ANO1: variants seen among roughly 807,000 people sequenced by gnomAD.
ANO1 encodes the protein anoctamin-1.
Under a neutral mutation model 124.0 loss-of-function variants are expected in ANO1, and 59 were observed. That is an observed-to-expected ratio of 0.48 (90% CI 0.39 to 0.59). The LOEUF (loss-of-function observed/expected upper bound fraction) is 0.59. Ranked by LOEUF, ANO1 falls within the 20% of genes least tolerant of loss-of-function variation. The pLI is 0.00. For missense variants in ANO1, 1,059 were observed against 1,328.0 expected (o/e 0.80, Z 3.15); for synonymous variants, 529 against 532.0 (o/e 0.99, Z 0.08).
intron 1 of ANO1, among the ~76,000 whole-genome samples, chr11:70,052,519 T>C (rs1465905224): frequency 1.6e-5 from 2 of 125,810 alleles, no homozygotes; most frequent in African/African-American, 2.9e-5. Flanking sequence ...GGGGAGAATT[T>C]CTTTTTCTTT....
Position 70,126,116 on chromosome 11 carries a change from C to T in ANO1, c.1018C>T (p.Gln340Ter). Residue 340 changes from glutamine to a stop codon, truncating the protein, a stop_gained, in exon 10 of 26, where the codon CAG becomes TAG. Coordinates refer to ENST00000355303, the MANE Select transcript of ANO1 (RefSeq NM_018043.7). LOFTEE classifies it high-confidence loss of function. ...LYFAWLGVYT[Q>*]MLIPASIVGI... The stretch of plus-strand genomic sequence containing the variant: ...CTTCGCCTGGCTGGGCGTGTACACC[C>T]AGATGCTCATCCCTGCCTCCATCGT... 1 of 1,613,704 alleles carries T rather than the reference C, an allele frequency of 6.2e-7. No individual in the cohort carries two copies. The highest frequency in any genetic ancestry group is 2.2e-5 in the East Asian group (1 of 44,878).
chr11:70,042,874 T>C (rs181184287), intron 1 of ANO1, among the ~76,000 whole-genome samples: 1 of 152,310 alleles, frequency 6.6e-6, no homozygotes, highest in Non-Finnish European at 1.5e-5. Flanking sequence ...CTTAACTGCA[T>C]GCTCATACAG....
chr11:70,115,689 G>A (rs1216277991), intron 7 of ANO1, among the ~76,000 whole-genome samples: 1 of 152,134 alleles, frequency 6.6e-6, no homozygotes, highest in Non-Finnish European at 1.5e-5. Flanking sequence ...CCTGAACCTC[G>A]ACAGGGCCGC....
chr11:70,179,365 C>A (rs2135821684), intron 22 of ANO1, among the ~76,000 whole-genome samples: 1 of 152,356 alleles, frequency 6.6e-6, no homozygotes, highest in East Asian at 1.9e-4. Flanking sequence ...CCATTGAGGG[C>A]CTCCTTCCTG....
intron 1 of ANO1, among the ~76,000 whole-genome samples, chr11:70,039,115 A>G (rs11237529): frequency 0.096 from 14,535 of 152,196 alleles, 1,086 homozygotes; most frequent in East Asian, 0.39. Context: ...TCTGCTGGGA[A>G]AGGTTTTCAT....
chr11:70,154,083 T>G (rs781551802), intron 14 of ANO1, among the ~76,000 whole-genome samples: 33 of 151,894 alleles, frequency 2.2e-4, no homozygotes, highest in Non-Finnish European at 3.4e-4. Context: ...TTTAATGGTG[T>G]TTTTCACATG....
At chr11:70,157,454 G>A (rs1003983286) in intron 16 of ANO1, among the ~76,000 whole-genome samples, 1 of 151,726 alleles carries the variant, frequency 6.6e-6, no homozygotes, top group African/African-American at 2.4e-5. Flanking sequence ...CCCAGGGTGC[G>A]CCGGCCCCAT....
At chr11:70,112,322 G>A (rs181707181) in intron 7 of ANO1, among the ~76,000 whole-genome samples, 2 of 152,362 alleles carry the variant, frequency 1.3e-5, no homozygotes, top group East Asian at 1.9e-4. Context: ...CCTGAGCAGT[G>A]TGGGAATCCC....
At chr11:70,156,075 A>C in intron 15 of ANO1, 87 bp downstream of exon 15, 1 of 1,121,142 alleles carries the variant, frequency 8.9e-7, no homozygotes, top group Non-Finnish European at 1.2e-6. Flanking sequence ...AAACTGTTGT[A>C]TATATTTTTT....
chr11:69,986,320 C>T (rs1554996869), intron 1 of ANO1, among the ~76,000 whole-genome samples: 3 of 152,128 alleles, frequency 2.0e-5, no homozygotes, highest in African/African-American at 7.2e-5. Context: ...ACAGTCCTCC[C>T]CCCTCCGCGC....
At chr11:69,975,640 A>T in the ANO1 span, among the ~76,000 whole-genome samples, 11 of 152,110 alleles carry the variant, frequency 7.2e-5, no homozygotes, top group African/African-American at 2.7e-4. Context: ...AACCATCCTT[A>T]TGGGGTTTAT....
intron 1 of ANO1, among the ~76,000 whole-genome samples, chr11:70,081,481 A>T (rs1290830099): frequency 6.6e-6 from 1 of 152,250 alleles, no homozygotes; most frequent in East Asian, 1.9e-4. Flanking sequence ...TAGAAGACAA[A>T]GGAAGTTTAA....
chr11:70,081,589 G>A (rs1345450803), intron 1 of ANO1, among the ~76,000 whole-genome samples: 1 of 152,212 alleles, frequency 6.6e-6, no homozygotes, highest in Non-Finnish European at 1.5e-5. Context: ...CAGAGAAAGT[G>A]AACATTGTAG....
chr11:69,994,549 T>C (rs1343388677), intron 1 of ANO1, among the ~76,000 whole-genome samples: 1 of 152,190 alleles, frequency 6.6e-6, no homozygotes, highest in Non-Finnish European at 1.5e-5. Flanking sequence ...ATCATCTATA[T>C]ATATATGATG....
intron 2 of ANO1, among the ~76,000 whole-genome samples, chr11:70,098,612 C>G (rs751850842): frequency 1.3e-5 from 2 of 152,128 alleles, no homozygotes; most frequent in Non-Finnish European, 1.5e-5. Flanking sequence ...AGGAAAGAAG[C>G]TCACCCCCTA....
At chr11:70,122,298 A>G (rs1296695209) in intron 8 of ANO1, among the ~76,000 whole-genome samples, 3 of 32,112 alleles carry the variant, frequency 9.3e-5, no homozygotes, top group South Asian at 1.2e-3. Context: ...CTCTCTCTCC[A>G]TCTCCCCCGC....
chr11:70,151,292 G>C (rs1019836684), intron 12 of ANO1, among the ~76,000 whole-genome samples: 7 of 152,214 alleles, frequency 4.6e-5, no homozygotes, highest in Non-Finnish European at 1.0e-4. Context: ...CTCTTCCTCA[G>C]CCGATCTCAT....
intron 6 of ANO1, chr11:70,111,266 C>T (rs2045769086): frequency 2.2e-6 from 1 of 464,994 alleles, no homozygotes; most frequent in Non-Finnish European, 4.3e-6. Context: ...TTTTCTGACA[C>T]CATCAATTTT....
intron 8 of ANO1, among the ~76,000 whole-genome samples, chr11:70,122,977 C>G (rs1300859472): frequency 6.6e-6 from 1 of 152,212 alleles, no homozygotes; most frequent in African/African-American, 2.4e-5. Flanking sequence ...GTGGCCTTTT[C>G]ATCGTTATCT....
Sources: gnomAD v4.1 joint callset for allele counts (sites outside exome capture counted in the v4.1 genomes callset) on GRCh38, gnomAD v4.1.1 for gene constraint, MANE v1.5 for transcripts, NCBI Gene and HGNC (gene_info 2026-07-23, HGNC 2026-07-21) for gene names.